The following EXOC4 variants were observed in gnomAD, a reference collection of about 807,000 sequenced individuals.
EXOC4 encodes the protein exocyst complex component 4, also known as SEC8-like 1.
EXOC4 carries 71 observed loss-of-function variants against 107.2 expected under a neutral mutation model. That is an observed-to-expected ratio of 0.66 (90% CI 0.55 to 0.81). The LOEUF is 0.81. EXOC4 is among the 30% of genes least tolerant of loss of function. EXOC4 has a pLI of 0.00. For synonymous variants in EXOC4, 456 were observed against 441.2 expected (o/e 1.03, Z -0.42); for missense variants, 1,108 against 1,189.6 (o/e 0.93, Z 1.01).
At chr7:134,088,222 C>T in the EXOC4 span, among the ~76,000 whole-genome samples, 1 of 152,170 alleles carries the variant, frequency 6.6e-6, no homozygotes, top group Non-Finnish European at 1.5e-5. Context: ...GGAAAACACA[C>T]CATTCCACTC....
chr7:133,254,942 G>C (rs868166929), intron 1 of EXOC4, among the ~76,000 whole-genome samples: 9 of 152,100 alleles, frequency 5.9e-5, no homozygotes, highest in Middle Eastern at 3.2e-3. Context: ...CAGCATGAAA[G>C]CCAACCTAAA....
chr7:133,613,293 T>G (rs943882258), intron 9 of EXOC4, among the ~76,000 whole-genome samples: 4 of 152,130 alleles, frequency 2.6e-5, no homozygotes, highest in Non-Finnish European at 5.9e-5. Context: ...CATAACTGCA[T>G]AAAATTAACT....
chr7:133,390,190 A>G (rs1563047694), intron 7 of EXOC4, among the ~76,000 whole-genome samples: 1 of 152,308 alleles, frequency 6.6e-6, no homozygotes, highest in East Asian at 1.9e-4. Flanking sequence ...AGCCATACAA[A>G]TGGACCAGCT....
In EXOC4 at chr7:133,326,703, C is replaced by T. The variant is rs185860967; in HGVS notation, c.763+9313C>T. Among the ~76,000 whole-genome samples the T allele has an allele frequency of 2.3e-3, 347 of 152,284 alleles. 1 individual carries two copies. The highest frequency in any genetic ancestry group is 3.9e-3 in the Non-Finnish European group (268 of 68,028). ...CTGTCCGTTCTCAGATCTCAAATTC[C>T]GTGCTGGGAGAACCACTACAAACTT... On this transcript the variant is annotated intron_variant, in intron 5 of 17. Coordinates refer to ENST00000253861, the MANE Select transcript of EXOC4 (RefSeq NM_021807.4).
intron 17 of EXOC4, among the ~76,000 whole-genome samples, chr7:134,057,597 T>A (rs1001339675): frequency 6.6e-6 from 1 of 152,206 alleles, no homozygotes; most frequent in Admixed American, 6.5e-5. Flanking sequence ...ACTAATTTAT[T>A]CTTCTGACAC....
At chr7:134,080,355 C>G in the EXOC4 span, among the ~76,000 whole-genome samples, 1 of 152,068 alleles carries the variant, frequency 6.6e-6, no homozygotes, top group Non-Finnish European at 1.5e-5. Flanking sequence ...CAACTGGGGA[C>G]TTGGGGAGAT....
At chr7:134,067,996 T>C (rs910159178), downstream of EXOC4, among the ~76,000 whole-genome samples, 1 of 152,190 alleles carries the variant, frequency 6.6e-6, no homozygotes, top group African/African-American at 2.4e-5. Flanking sequence ...CTCAGGTTGC[T>C]CTTGCTGGTT....
intron 9 of EXOC4, among the ~76,000 whole-genome samples, chr7:133,490,017 A>C (rs1799341657): frequency 6.6e-6 from 1 of 152,174 alleles, no homozygotes; most frequent in South Asian, 2.1e-4. Context: ...GGGAAGAAAG[A>C]GGCTGTCTTT....
intron 1 of EXOC4, among the ~76,000 whole-genome samples, chr7:133,257,948 A>T (rs1753186125): frequency 6.6e-6 from 1 of 152,172 alleles, no homozygotes; most frequent in Admixed American, 6.5e-5. Flanking sequence ...GAGGTTCGTG[A>T]CACAGTTTGT....
At chr7:133,500,959 T>C (rs916062628) in intron 9 of EXOC4, among the ~76,000 whole-genome samples, 1 of 152,202 alleles carries the variant, frequency 6.6e-6, no homozygotes, top group Non-Finnish European at 1.5e-5. Context: ...TTATATGTCA[T>C]GTCTTTTAGA....
intron 10 of EXOC4, among the ~76,000 whole-genome samples, chr7:133,747,538 A>C (rs1795703307): frequency 6.6e-6 from 1 of 152,196 alleles, no homozygotes; most frequent in Admixed American, 6.5e-5. Flanking sequence ...AGTAACATTT[A>C]TTTAAAATCA....
intron 6 of EXOC4, among the ~76,000 whole-genome samples, chr7:133,357,924 A>G (rs999309239): frequency 6.6e-6 from 1 of 152,206 alleles, no homozygotes; most frequent in African/African-American, 2.4e-5. Flanking sequence ...ACAGTGGCTC[A>G]TGCCTATAAT....
At chr7:133,944,392 T>A (rs1800502836) in intron 14 of EXOC4, among the ~76,000 whole-genome samples, 1 of 152,130 alleles carries the variant, frequency 6.6e-6, no homozygotes, top group Non-Finnish European at 1.5e-5. Flanking sequence ...TCAATCTGGG[T>A]TTATCTGGTG....
the EXOC4 span, among the ~76,000 whole-genome samples, chr7:134,073,205 CAAAAAAAAAA>C: frequency 8.9e-5 from 2 of 22,598 alleles, no homozygotes; most frequent in African/African-American, 1.8e-4. Context: ...GACTTCCTCT[CAAAAAAAAAA>C]AAAAAAAAAA....
intron 10 of EXOC4, among the ~76,000 whole-genome samples, chr7:133,769,768 T>C (rs1216811186): frequency 6.6e-6 from 1 of 151,910 alleles, no homozygotes; most frequent in African/African-American, 2.4e-5. Context: ...TTATCATGAA[T>C]GTTTAATATC....
At chr7:133,416,030 A>G (rs1797467896) in intron 7 of EXOC4, among the ~76,000 whole-genome samples, 1 of 152,178 alleles carries the variant, frequency 6.6e-6, no homozygotes, top group African/African-American at 2.4e-5. Flanking sequence ...GAGGGAGCAA[A>G]TGTAGTTAAA....
chr7:133,458,964 C>T (rs1798527626), intron 7 of EXOC4, among the ~76,000 whole-genome samples: 2 of 145,564 alleles, frequency 1.4e-5, no homozygotes, highest in South Asian at 4.3e-4. Context: ...ACATGGAAAT[C>T]TGATTAACAA....
At chr7:133,549,738 T>A (rs1356324354) in intron 9 of EXOC4, among the ~76,000 whole-genome samples, 2 of 152,156 alleles carry the variant, frequency 1.3e-5, no homozygotes, top group Non-Finnish European at 1.5e-5. Context: ...TCAAAAAACA[T>A]GTGCTGGTAC....
chr7:133,930,846 G>A (rs1430132695), intron 13 of EXOC4: 1 of 152,026 alleles, frequency 6.6e-6, no homozygotes, highest in African/African-American at 2.4e-5. Context: ...CTGTTTTTAA[G>A]CCAGATATTT....
Sources: gnomAD v4.1 joint callset for allele counts (sites outside exome capture counted in the v4.1 genomes callset) on GRCh38, gnomAD v4.1.1 for gene constraint, MANE v1.5 for transcripts, NCBI Gene and HGNC (gene_info 2026-07-23, HGNC 2026-07-21) for gene names.